Variants in GRIN2A observed in about 807,000 individuals in gnomAD.
GRIN2A encodes the protein glutamate ionotropic receptor NMDA type subunit 2A.
Under a neutral mutation model 113.4 loss-of-function variants are expected in GRIN2A, and 22 were observed. The ratio of observed to expected loss-of-function variants is 0.19; its 90% CI spans 0.14 to 0.28. The LOEUF (loss-of-function observed/expected upper bound fraction) is 0.28. GRIN2A is among the 10% of genes least tolerant of loss of function. GRIN2A has a pLI of 1.00. For missense variants in GRIN2A, 1,502 were observed against 1,887.0 expected, an observed-to-expected ratio of 0.80 and a Z score of 3.78; for synonymous variants, 827 against 738.4, an observed-to-expected ratio of 1.12 and a Z score of -1.94.
chr16:9,996,692 A>C (rs2046229713), intron 2 of GRIN2A, among the ~76,000 whole-genome samples: 2 of 152,218 alleles, frequency 1.3e-5, no homozygotes, highest in Admixed American at 6.5e-5. Flanking sequence ...TTCCCAATAC[A>C]CCATAAGCTC....
At chr16:10,036,654 G>C (rs1445458612) in intron 2 of GRIN2A, among the ~76,000 whole-genome samples, 1 of 150,830 alleles carries the variant, frequency 6.6e-6, no homozygotes, top group Non-Finnish European at 1.5e-5. Flanking sequence ...CACTGTGTTA[G>C]CCAGGATGGT....
chr16:10,112,653 A>G, intron 2 of GRIN2A: 1 of 764,838 alleles, frequency 1.3e-6, no homozygotes, highest in Non-Finnish European at 2.4e-6. Context: ...GAGCAGCAGC[A>G]GCCAGAAACG....
intron 11 of GRIN2A, among the ~76,000 whole-genome samples, chr16:9,770,788 AT>A (rs1901225532): frequency 1.3e-5 from 2 of 152,116 alleles, no homozygotes; most frequent in African/African-American, 4.8e-5. Flanking sequence ...AATAGATTTT[AT>A]TTTTTTAGAG....
chr16:10,040,311 A>C (rs1308472186), intron 2 of GRIN2A, among the ~76,000 whole-genome samples: 1 of 149,998 alleles, frequency 6.7e-6, no homozygotes. Flanking sequence ...CAAATACACA[A>C]CACACATCCA....
chr16:9,901,407 T>C (rs1218551116), intron 3 of GRIN2A, among the ~76,000 whole-genome samples: 1 of 152,168 alleles, frequency 6.6e-6, no homozygotes, highest in Non-Finnish European at 1.5e-5. Context: ...CTAACTCCAC[T>C]TACATCGTTA....
chr16:9,967,760 AG>A (rs1013087869), intron 2 of GRIN2A, among the ~76,000 whole-genome samples: 99 of 151,950 alleles, frequency 6.5e-4, no homozygotes, highest in African/African-American at 2.0e-3. Flanking sequence ...AAAGTTTGGG[AG>A]GGGGTGAGGG....
intron 2 of GRIN2A, among the ~76,000 whole-genome samples, chr16:10,018,153 T>C (rs911421999): frequency 6.6e-6 from 1 of 152,158 alleles, no homozygotes; most frequent in East Asian, 1.9e-4. Flanking sequence ...AAGAGATGAG[T>C]TATTAAAAGG....
chr16:9,938,585 G>C, intron 2 of GRIN2A, 34 bp from the exon 3 acceptor site: 1 of 1,501,798 alleles, frequency 6.7e-7, no homozygotes, highest in South Asian at 1.1e-5. Context: ...CAGAGGATGA[G>C]GCAGGAGGTG....
intron 2 of GRIN2A, among the ~76,000 whole-genome samples, chr16:10,050,736 G>A (rs906669382): frequency 2.0e-5 from 3 of 151,920 alleles, no homozygotes; most frequent in Admixed American, 6.6e-5. Flanking sequence ...GCCCAACCCC[G>A]GTCTGTGGAA....
rs1185326389 is a variant in GRIN2A, at chr16:9,759,531, C to T, written c.*3618G>A. The T allele has an allele frequency of 4.4e-6, 1 of 224,760 alleles. No individual in the cohort carries two copies. Among genetic ancestry groups the T allele is most frequent in the African/African-American group, 2.2e-5 (1 of 44,828 alleles). 13.9% of individuals were successfully genotyped at this position (224,760 alleles called of 1,614,324 possible). A position where few individuals can be genotyped will look rare whatever the true frequency, so the allele number is the denominator to read the frequency against. ...ACAAGGTGTAATTTTCTATTTTTCT[C>T]CCCAGAAAATAAGCGTGAAATGATT... On this transcript the variant is annotated 3_prime_UTR_variant, in exon 13 of 13. Coordinates refer to ENST00000330684, the MANE Select transcript of GRIN2A (RefSeq NM_001134407.3).
chr16:9,963,498 T>C (rs955867992), intron 2 of GRIN2A, among the ~76,000 whole-genome samples: 1 of 152,066 alleles, frequency 6.6e-6, no homozygotes, highest in Non-Finnish European at 1.5e-5. Flanking sequence ...ATTCTCATTG[T>C]TCAACTTCCA....
intron 4 of GRIN2A, among the ~76,000 whole-genome samples, chr16:9,863,039 A>C (rs981783941): frequency 6.6e-6 from 1 of 152,104 alleles, no homozygotes; most frequent in Non-Finnish European, 1.5e-5. Context: ...GTTGGCAAAC[A>C]GGGAATTTAA....
intron 3 of GRIN2A, among the ~76,000 whole-genome samples, chr16:9,921,694 T>C (rs1340311954): frequency 6.6e-6 from 1 of 152,230 alleles, no homozygotes; most frequent in Non-Finnish European, 1.5e-5. Flanking sequence ...TGCTGGGTGC[T>C]GGTGCACAAA....
chr16:10,018,705 A>AC (rs1007161874), intron 2 of GRIN2A, among the ~76,000 whole-genome samples: 1 of 151,888 alleles, frequency 6.6e-6, no homozygotes, highest in Non-Finnish European at 1.5e-5. Context: ...ACTGCCAGTC[A>AC]CTCCCCACAC....
chr16:10,086,794 A>G (rs1530669), intron 2 of GRIN2A, among the ~76,000 whole-genome samples: 30,920 of 152,152 alleles, frequency 0.2, 3,704 homozygotes, highest in East Asian at 0.43. Context: ...CTAGGCTGCC[A>G]AGCTCTAAAA....
At chr16:9,827,808 A>G (rs1465096545) in intron 9 of GRIN2A, among the ~76,000 whole-genome samples, 5 of 152,166 alleles carry the variant, frequency 3.3e-5, no homozygotes, top group South Asian at 2.1e-4. Context: ...TCACCCAGCA[A>G]GAGTGTCCTG....
intron 2 of GRIN2A, among the ~76,000 whole-genome samples, chr16:10,004,597 C>G (rs929598149): frequency 1.3e-5 from 2 of 152,098 alleles, no homozygotes; most frequent in African/African-American, 4.8e-5. Flanking sequence ...CTTGCCTTCC[C>G]CAGTTCCTAG....
intron 9 of GRIN2A, among the ~76,000 whole-genome samples, chr16:9,827,774 C>A (rs1036947104): frequency 1.3e-5 from 2 of 152,166 alleles, no homozygotes; most frequent in African/African-American, 4.8e-5. Flanking sequence ...TGCACAGTGT[C>A]CAGTATACCA....
intron 5 of GRIN2A, among the ~76,000 whole-genome samples, chr16:9,847,129 C>T (rs2042786347): frequency 6.6e-6 from 1 of 152,174 alleles, no homozygotes; most frequent in African/African-American, 2.4e-5. Flanking sequence ...TGTGTGTTCA[C>T]TCCCAAATGG....
Sources: gnomAD v4.1 joint callset for allele counts (sites outside exome capture counted in the v4.1 genomes callset) on GRCh38, gnomAD v4.1.1 for gene constraint, MANE v1.5 for transcripts, NCBI Gene and HGNC (gene_info 2026-07-23, HGNC 2026-07-21) for gene names.